Variants in SLC44A5 observed in about 807,000 individuals in gnomAD.
SLC44A5 encodes solute carrier family 44 member 5.
SLC44A5 carries 57 observed loss-of-function variants against 101.8 expected under a neutral mutation model. That is an observed-to-expected ratio of 0.56 (90% CI 0.45 to 0.70). SLC44A5 has a LOEUF of 0.70. SLC44A5 is among the 30% of genes least tolerant of loss of function. SLC44A5 has a pLI of 0.00. For missense variants in SLC44A5, 737 were observed against 853.1 expected, an observed-to-expected ratio of 0.86 and a Z score of 1.70; for synonymous variants, 281 against 290.9, an observed-to-expected ratio of 0.97 and a Z score of 0.35.
At chr1:75,274,738 T>C (rs1284591971) in intron 6 of SLC44A5, among the ~76,000 whole-genome samples, 3 of 152,220 alleles carry the variant, frequency 2.0e-5, no homozygotes, top group Non-Finnish European at 4.4e-5. Context: ...AGAGTCTTCA[T>C]GCATTCTAAT....
intron 7 of SLC44A5, 85 bp downstream of exon 7, chr1:75,251,125 G>A: frequency 2.8e-6 from 3 of 1,078,616 alleles, no homozygotes; most frequent in South Asian, 2.6e-5. Context: ...CACACACACA[G>A]AGAACTCAAA....
At chr1:75,637,258 C>A in the SLC44A5 span, among the ~76,000 whole-genome samples, 1 of 151,966 alleles carries the variant, frequency 6.6e-6, no homozygotes, top group African/African-American at 2.4e-5. Flanking sequence ...GTGGAAACAA[C>A]CCAAACATCC....
At chr1:75,294,885 G>T (rs1015377581) in intron 5 of SLC44A5, among the ~76,000 whole-genome samples, 5 of 152,208 alleles carry the variant, frequency 3.3e-5, no homozygotes, top group Admixed American at 3.3e-4. Context: ...GGGTGTGGGA[G>T]AAATTAGGAG....
intron 2 of SLC44A5, among the ~76,000 whole-genome samples, chr1:75,503,692 T>C (rs1266459349): frequency 6.6e-6 from 1 of 152,174 alleles, no homozygotes; most frequent in Non-Finnish European, 1.5e-5. Context: ...TAAATCAAGT[T>C]CCCACACATG....
intron 2 of SLC44A5, among the ~76,000 whole-genome samples, chr1:75,414,317 AT>A (rs1663486831): frequency 4.5e-5 from 6 of 133,914 alleles, no homozygotes; most frequent in African/African-American, 1.8e-4. Flanking sequence ...ATACATACAT[AT>A]CCACATACAC....
chr1:75,269,017 T>C (rs970887753), intron 6 of SLC44A5, among the ~76,000 whole-genome samples: 12 of 152,138 alleles, frequency 7.9e-5, no homozygotes, highest in Non-Finnish European at 2.9e-5. Flanking sequence ...TTGATAAATA[T>C]TTTATAAAAT....
intron 2 of SLC44A5, among the ~76,000 whole-genome samples, chr1:75,482,797 G>T (rs959410892): frequency 6.6e-6 from 1 of 152,086 alleles, no homozygotes; most frequent in African/African-American, 2.4e-5. Flanking sequence ...GTTTTAAAAA[G>T]TAAAGATAAG....
chr1:75,424,360 C>T lies in SLC44A5; in HGVS notation c.14-27739G>A, dbSNP rs181348321. 4.4e-3 allele frequency among the ~76,000 whole-genome samples: 674 copies of T among 152,254 alleles called. 6 individuals carry two copies. Among genetic ancestry groups the T allele is most frequent in the African/African-American group, 0.016 (654 of 41,540 alleles). Reference sequence around the variant, plus strand: ...TCGCTCTGTCACCCAGGCTGGAGTGCAGTGGCATGATCTCAGCTCACTGCA... The same window carrying T: ...TCGCTCTGTCACCCAGGCTGGAGTGTAGTGGCATGATCTCAGCTCACTGCA... On this transcript the variant is annotated intron_variant, in intron 2 of 23. Coordinates refer to ENST00000370859, the MANE Select transcript of SLC44A5 (RefSeq NM_001130058.2).
chr1:75,472,730 T>A (rs554131130), intron 2 of SLC44A5, among the ~76,000 whole-genome samples: 14 of 152,192 alleles, frequency 9.2e-5, no homozygotes, highest in Non-Finnish European at 1.9e-4. Context: ...TTTTTATGAT[T>A]AAAGCACAAA....
intron 3 of SLC44A5, 134 bp from the exon 4 acceptor site, chr1:75,339,764 A>T (rs915980050): frequency 3.2e-5 from 21 of 646,688 alleles, no homozygotes; most frequent in Non-Finnish European, 4.3e-5. Flanking sequence ...TGGTTTGATG[A>T]AACATAAGTA....
chr1:75,522,916 T>C (rs1354844679), intron 2 of SLC44A5, among the ~76,000 whole-genome samples: 2 of 152,186 alleles, frequency 1.3e-5, no homozygotes. Context: ...GAAGGAAAGA[T>C]ACTCTGTCTC....
chr1:75,669,205 T>C, the SLC44A5 span, among the ~76,000 whole-genome samples: 1 of 151,720 alleles, frequency 6.6e-6, no homozygotes, highest in Non-Finnish European at 1.5e-5. Flanking sequence ...TAAAAAAAAT[T>C]CTGCCAATCA....
intron 2 of SLC44A5, among the ~76,000 whole-genome samples, chr1:75,480,426 T>C (rs1483695075): frequency 6.6e-6 from 1 of 152,108 alleles, no homozygotes; most frequent in African/African-American, 2.4e-5. Flanking sequence ...GAGAAGGAAA[T>C]AAAGGGTATT....
chr1:75,311,653 G>A (rs182396976), intron 4 of SLC44A5: 11 of 728,866 alleles, frequency 1.5e-5, no homozygotes, highest in Admixed American at 1.3e-4. Context: ...GCTATGAAAC[G>A]TTGGTGAACC....
chr1:75,328,897 C>A (rs1656811056), intron 4 of SLC44A5, among the ~76,000 whole-genome samples: 2 of 152,190 alleles, frequency 1.3e-5, no homozygotes, highest in African/African-American at 4.8e-5. Flanking sequence ...GAAAGACTGG[C>A]TGCCCAGCAG....
At chr1:75,670,600 T>C in the SLC44A5 span, among the ~76,000 whole-genome samples, 1 of 152,210 alleles carries the variant, frequency 6.6e-6, no homozygotes, top group Non-Finnish European at 1.5e-5. Flanking sequence ...AAATAGACTG[T>C]CCCAACTTCT....
At chr1:75,476,166 GA>G (rs1667384791) in intron 2 of SLC44A5, among the ~76,000 whole-genome samples, 1 of 151,704 alleles carries the variant, frequency 6.6e-6, no homozygotes, top group African/African-American at 2.4e-5. Flanking sequence ...CTGGGAGACA[GA>G]AAGAGATTCT....
intron 3 of SLC44A5, among the ~76,000 whole-genome samples, chr1:75,366,886 T>G (rs1198900143): frequency 1.3e-5 from 2 of 152,208 alleles, no homozygotes; most frequent in Non-Finnish European, 2.9e-5. Context: ...TTTTATAGTT[T>G]CTGTTTCTTA....
At chr1:75,246,569 T>C (rs540986355) in intron 7 of SLC44A5, among the ~76,000 whole-genome samples, 2 of 151,966 alleles carry the variant, frequency 1.3e-5, no homozygotes, top group African/African-American at 2.4e-5. Context: ...AATAAATAAG[T>C]AAAATGTTTG....
Sources: gnomAD v4.1 joint callset for allele counts (sites outside exome capture counted in the v4.1 genomes callset) on GRCh38, gnomAD v4.1.1 for gene constraint, MANE v1.5 for transcripts, NCBI Gene and HGNC (gene_info 2026-07-23, HGNC 2026-07-21) for gene names.